Variants in DOCK4 observed in about 807,000 individuals in gnomAD.
DOCK4 encodes the protein dedicator of cytokinesis protein 4.
Under a neutral mutation model 268.1 loss-of-function variants are expected in DOCK4, and 97 were observed. That is an observed-to-expected ratio of 0.36 (90% CI 0.31 to 0.43). DOCK4 has a LOEUF of 0.43. Ranked by LOEUF, DOCK4 falls within the 20% of genes least tolerant of loss-of-function variation. The pLI, the probability that DOCK4 is intolerant of heterozygous loss-of-function variation, is 1.00. For synonymous variants in DOCK4, 954 were observed against 887.2 expected (o/e 1.08, Z -1.34); for missense variants, 2,145 against 2,455.7 (o/e 0.87, Z 2.67).
rs149296394 is a variant in DOCK4, at chr7:111,934,268, T to C, written c.1066+1272A>G. 3.2e-3 allele frequency among the ~76,000 whole-genome samples: 493 copies of C among 152,336 alleles called. 2 individuals are homozygous for C. The highest frequency in any genetic ancestry group is 0.011 in the African/African-American group (478 of 41,566). ...CCTAAAGATGTCATTATTTATGCTATGCAATCTATATATGCTATATAATGT... is the reference window on the plus strand; with the variant it reads ...CCTAAAGATGTCATTATTTATGCTACGCAATCTATATATGCTATATAATGT... On this transcript the variant is annotated intron_variant, in intron 12 of 52. Transcript: ENST00000428084.
chr7:112,029,471 T>A (rs948644040), intron 1 of DOCK4, among the ~76,000 whole-genome samples: 2 of 152,224 alleles, frequency 1.3e-5, no homozygotes, highest in Non-Finnish European at 2.9e-5. Flanking sequence ...GAAAAATAAT[T>A]CATAAAATGT....
chr7:111,877,294 A>C, intron 16 of DOCK4, 108 bp from the exon 17 acceptor site: 1 of 965,006 alleles, frequency 1.0e-6, no homozygotes, highest in East Asian at 3.3e-5. Flanking sequence ...CATTCCAAAC[A>C]GTATTACAAG....
chr7:111,751,843 C>G (rs1796677179), intron 42 of DOCK4, among the ~76,000 whole-genome samples: 1 of 152,024 alleles, frequency 6.6e-6, no homozygotes, highest in African/African-American at 2.4e-5. Context: ...ACCTCAAACT[C>G]CTGGGCTCCA....
At chr7:111,987,439 T>C (rs2135200120) in intron 6 of DOCK4, among the ~76,000 whole-genome samples, 1 of 149,732 alleles carries the variant, frequency 6.7e-6, no homozygotes, top group South Asian at 2.1e-4. Context: ...AGGACCAGCA[T>C]AATGACTAAG....
At chr7:112,038,138 G>A (rs1201405746) in intron 1 of DOCK4, among the ~76,000 whole-genome samples, 2 of 152,190 alleles carry the variant, frequency 1.3e-5, no homozygotes, top group Non-Finnish European at 2.9e-5. Flanking sequence ...TATATTTGAA[G>A]AGGCTGATAT....
intron 10 of DOCK4, among the ~76,000 whole-genome samples, chr7:111,940,515 C>T (rs941278787): frequency 2.0e-5 from 3 of 152,202 alleles, no homozygotes; most frequent in South Asian, 2.1e-4. Context: ...TGGGAACCAT[C>T]CCCTGGCCCC....
At chr7:111,913,602 G>T (rs988327604) in intron 13 of DOCK4, among the ~76,000 whole-genome samples, 12 of 151,562 alleles carry the variant, frequency 7.9e-5, no homozygotes, top group Non-Finnish European at 1.6e-4. Context: ...GTAGAGATGG[G>T]GTTTCACCAT....
chr7:112,054,577 AC>A (rs1478159851), intron 1 of DOCK4, among the ~76,000 whole-genome samples: 24 of 152,112 alleles, frequency 1.6e-4, no homozygotes, highest in Non-Finnish European at 1.3e-4. Flanking sequence ...ACAAAAAAAA[AC>A]AAAACTACAA....
intron 1 of DOCK4, among the ~76,000 whole-genome samples, chr7:112,063,091 G>A (rs1806584087): frequency 6.6e-6 from 1 of 152,132 alleles, no homozygotes; most frequent in East Asian, 1.9e-4. Flanking sequence ...GAGTCCTCCT[G>A]AAAGATACAA....
chr7:111,880,841 A>C (rs1239782603), intron 16 of DOCK4, among the ~76,000 whole-genome samples: 1 of 151,946 alleles, frequency 6.6e-6, no homozygotes, highest in Non-Finnish European at 1.5e-5. Context: ...CTCTTCAATA[A>C]ACGGTGCTGG....
intron 1 of DOCK4, among the ~76,000 whole-genome samples, chr7:112,040,920 T>C (rs374550478): frequency 2.0e-4 from 30 of 152,348 alleles, no homozygotes; most frequent in East Asian, 1.9e-3. Context: ...GAAAAGACTT[T>C]AAAAAGTCTA....
intron 35 of DOCK4, 61 bp from the exon 36 acceptor site, chr7:111,778,430 C>G: frequency 9.5e-7 from 1 of 1,057,128 alleles, no homozygotes; most frequent in East Asian, 2.5e-5. Flanking sequence ...AATTATCTGC[C>G]TTTTACTCTG....
Position 111,940,199 on chromosome 7 carries a change from C to G in DOCK4, c.888G>C (p.Gln296His), listed in dbSNP as rs763960917. The G allele has an allele frequency of 1.9e-6, 3 of 1,614,040 alleles. No individual in the cohort carries two copies. The highest frequency in any genetic ancestry group is 2.5e-6 in the Non-Finnish European group (3 of 1,179,902). Reference sequence around the variant, plus strand: ...CTGCACAGCCAAAGGGTCGTCGGTACTGGACACTACAGGCATTCTTTTTTT... The same window carrying G: ...CTGCACAGCCAAAGGGTCGTCGGTAGTGGACACTACAGGCATTCTTTTTTT... ...AGEKKNACSV[Q>H]YRRPFGCAVL... Residue 296 changes from glutamine to histidine, a missense_variant, in exon 11 of 53, where the codon CAG becomes CAC. Transcript: ENST00000428084.
intron 1 of DOCK4, among the ~76,000 whole-genome samples, chr7:112,137,918 C>G (rs1369485918): frequency 6.6e-6 from 1 of 152,188 alleles, no homozygotes; most frequent in African/African-American, 2.4e-5. Context: ...CTGGATAATA[C>G]ACATAAAGTA....
chr7:112,017,872 G>A (rs1047968557), intron 1 of DOCK4, among the ~76,000 whole-genome samples: 1 of 151,970 alleles, frequency 6.6e-6, no homozygotes, highest in African/African-American at 2.4e-5. Flanking sequence ...ACAGTACTGG[G>A]ACTAGAAAGG....
intron 36 of DOCK4, among the ~76,000 whole-genome samples, chr7:111,776,554 C>A (rs1798452919): frequency 9.9e-5 from 15 of 152,030 alleles, no homozygotes. Flanking sequence ...GGTACAACAC[C>A]AAAAGGCCCA....
At chr7:112,203,798 C>T (rs1179911925) in intron 1 of DOCK4, among the ~76,000 whole-genome samples, 1 of 149,720 alleles carries the variant, frequency 6.7e-6, no homozygotes. Flanking sequence ...ATAAAGTCCA[C>T]ACATAAGTAT....
intron 13 of DOCK4, among the ~76,000 whole-genome samples, chr7:111,911,556 A>G (rs1236323012): frequency 6.6e-6 from 1 of 152,236 alleles, no homozygotes; most frequent in Non-Finnish European, 1.5e-5. Context: ...GTCTGAAAGA[A>G]CAATTTTCCT....
rs750936552 is a variant in DOCK4, at chr7:111,977,210, C to T, written c.623G>A (p.Ser208Asn). 8 of 1,611,982 alleles carry T rather than the reference C, an allele frequency of 5.0e-6. No homozygotes were observed. The highest frequency in any genetic ancestry group is 2.2e-5 in the South Asian group (2 of 90,414). Residue 208 changes from serine (S) to asparagine (N), a missense_variant, in exon 8 of 53, where the codon AGC becomes AAC. Transcript: ENST00000428084. ...CTCTCCCAGGTTGGAACACATGAGG[C>T]TCTTCATCTGGACAAAGAGGTGGTG... ...SSHHLFVQMK[S>N]LMCSNLGEEL...
Sources: allele counts gnomAD v4.1 joint callset (sites outside exome capture counted in the v4.1 genomes callset), GRCh38; gene constraint gnomAD v4.1.1; transcripts MANE v1.5; gene names NCBI Gene and HGNC (gene_info 2026-07-23, HGNC 2026-07-21).